The following SLC14A2 variants were observed in gnomAD, a reference collection of about 807,000 sequenced individuals.
SLC14A2 encodes the protein solute carrier family 14 member 2.
Under a neutral mutation model 104.6 loss-of-function variants are expected in SLC14A2, and 91 were observed. The observed-to-expected ratio is 0.87, with a 90% CI of 0.73 to 1.04. The LOEUF is 1.04. Among genes scored for constraint, SLC14A2 ranks in the 50% least tolerant of loss-of-function variants. SLC14A2 has a pLI of 0.00. For missense variants in SLC14A2, 1,189 were observed against 1,156.0 expected, an observed-to-expected ratio of 1.03 and a Z score of -0.41; for synonymous variants, 476 against 466.4, an observed-to-expected ratio of 1.02 and a Z score of -0.27.
intron 1 of SLC14A2, among the ~76,000 whole-genome samples, chr18:45,342,876 A>G (rs979448702): frequency 7.9e-5 from 12 of 152,200 alleles, no homozygotes; most frequent in Non-Finnish European, 1.8e-4. Flanking sequence ...TTCCAGATCT[A>G]CTTCTAGTTA....
the SLC14A2 span, among the ~76,000 whole-genome samples, chr18:45,182,328 C>T: frequency 6.6e-6 from 1 of 151,552 alleles, no homozygotes; most frequent in Non-Finnish European, 1.5e-5. Flanking sequence ...TAACACAATA[C>T]TGTATAAAAT....
At chr18:45,615,997 G>A (rs1400664342) in intron 1 of SLC14A2, among the ~76,000 whole-genome samples, 6 of 152,174 alleles carry the variant, frequency 3.9e-5, no homozygotes, top group Non-Finnish European at 8.8e-5. Flanking sequence ...GTGAGTAAAG[G>A]AGATCAATAT....
At chr18:45,235,884 C>T (rs1442108525) in intron 1 of SLC14A2, among the ~76,000 whole-genome samples, 48 of 86,822 alleles carry the variant, frequency 5.5e-4, no homozygotes, top group Non-Finnish European at 7.4e-4. Context: ...TGTATATATA[C>T]ATATATGTGT....
At chr18:45,359,620 A>G (rs1253229966) in intron 1 of SLC14A2, among the ~76,000 whole-genome samples, 1 of 152,172 alleles carries the variant, frequency 6.6e-6, no homozygotes, top group Non-Finnish European at 1.5e-5. Context: ...AAATTATCTC[A>G]CAGGCATCTC....
intron 1 of SLC14A2, among the ~76,000 whole-genome samples, chr18:45,442,842 A>C (rs1360222630): frequency 6.6e-6 from 1 of 152,204 alleles, no homozygotes; most frequent in African/African-American, 2.4e-5. Context: ...TAACTAAGTC[A>C]GGTAGCTAGA....
chr18:45,254,839 T>C (rs943642102), intron 1 of SLC14A2, among the ~76,000 whole-genome samples: 3 of 152,090 alleles, frequency 2.0e-5, no homozygotes, highest in Admixed American at 6.5e-5. Flanking sequence ...AGGAGGCCAA[T>C]GATGCTGGCA....
chr18:45,510,289 A>C (rs1028199725), intron 2 of SLC14A2, among the ~76,000 whole-genome samples: 3 of 152,186 alleles, frequency 2.0e-5, no homozygotes, highest in Non-Finnish European at 4.4e-5. Flanking sequence ...GAAAAAAATG[A>C]GCCTGTCTGA....
chr18:45,564,186 A>G (rs2044238447), intron 2 of SLC14A2, among the ~76,000 whole-genome samples: 1 of 152,262 alleles, frequency 6.6e-6, no homozygotes, highest in Non-Finnish European at 1.5e-5. Context: ...ACTTTGCATG[A>G]TCGAGTGTAT....
rs184302016 is a variant in SLC14A2 at position 45,642,199 on chromosome 18, C to A, written c.1126+856C>A. On this transcript the variant is annotated intron_variant, in intron 8 of 19. Coordinates refer to ENST00000255226, the MANE Select transcript of SLC14A2 (RefSeq NM_007163.4). ...TAGAGTCAAGGAAACAGAAGACTAG[C>A]GTCTGGAACAGCTTCTCTTTTGTTT... Among the ~76,000 whole-genome samples, 109 of 152,330 alleles carry A rather than the reference C, an allele frequency of 7.2e-4. 1 individual carries two copies. The highest frequency in any genetic ancestry group is 5.4e-4 in the Non-Finnish European group (37 of 68,042).
intron 1 of SLC14A2, among the ~76,000 whole-genome samples, chr18:45,471,699 T>G (rs917560649): frequency 6.6e-6 from 1 of 152,124 alleles, no homozygotes; most frequent in Non-Finnish European, 1.5e-5. Flanking sequence ...GTCTTGTTGC[T>G]GCTGATGGGT....
At chr18:45,488,326 A>T (rs1036330842) in intron 2 of SLC14A2, among the ~76,000 whole-genome samples, 4 of 152,154 alleles carry the variant, frequency 2.6e-5, no homozygotes, top group Non-Finnish European at 2.9e-5. Flanking sequence ...ATCCAAATCC[A>T]GGGTTCTGCC....
intron 2 of SLC14A2, among the ~76,000 whole-genome samples, chr18:45,542,035 G>GTTTTTTTTTTGTTT (rs2043891896): frequency 1.8e-5 from 1 of 54,204 alleles, no homozygotes; most frequent in African/African-American, 6.2e-5. Flanking sequence ...AAGAGAGAGG[G>GTTTTTTTTTTGTTT]TTTTTTTTTT....
At chr18:45,227,749 G>T (rs1431675702) in intron 1 of SLC14A2, among the ~76,000 whole-genome samples, 5 of 152,150 alleles carry the variant, frequency 3.3e-5, no homozygotes, top group Non-Finnish European at 5.9e-5. Flanking sequence ...AAACCAAGTG[G>T]GGCTTAGATT....
intron 2 of SLC14A2, among the ~76,000 whole-genome samples, chr18:45,519,020 A>G (rs2043480459): frequency 6.6e-6 from 1 of 152,234 alleles, no homozygotes; most frequent in South Asian, 2.1e-4. Flanking sequence ...TGGGGAATCA[A>G]TTAACAATAA....
chr18:45,196,619 T>G, the SLC14A2 span, among the ~76,000 whole-genome samples: 1 of 152,198 alleles, frequency 6.6e-6, no homozygotes, highest in South Asian at 2.1e-4. Flanking sequence ...AGCATGATTA[T>G]AGACCATCTG....
chr18:45,430,542 TTATTTTA>T (rs1207997944), intron 1 of SLC14A2, among the ~76,000 whole-genome samples: 1 of 89,462 alleles, frequency 1.1e-5, no homozygotes. Flanking sequence ...GGAAGGGAAG[TTATTTTA>T]TTTTATTTTA....
chr18:45,384,529 C>A (rs1000511508), intron 1 of SLC14A2, among the ~76,000 whole-genome samples: 3 of 152,160 alleles, frequency 2.0e-5, no homozygotes, highest in Non-Finnish European at 2.9e-5. Context: ...TGAGTCACCC[C>A]CAACCTGCCT....
At chr18:45,213,693 T>C (rs1456067856) in intron 1 of SLC14A2, among the ~76,000 whole-genome samples, 2 of 152,030 alleles carry the variant, frequency 1.3e-5, no homozygotes, top group African/African-American at 2.4e-5. Context: ...GGTTAATTAG[T>C]CCACATAACT....
chr18:45,210,563 C>T (rs931195160), upstream of SLC14A2, among the ~76,000 whole-genome samples: 1 of 152,168 alleles, frequency 6.6e-6, no homozygotes, highest in African/African-American at 2.4e-5. Flanking sequence ...TAGGCAAGAG[C>T]GTAATGCTGT....
Sources: allele counts gnomAD v4.1 joint callset (sites outside exome capture counted in the v4.1 genomes callset), GRCh38; gene constraint gnomAD v4.1.1; transcripts MANE v1.5; gene names NCBI Gene and HGNC (gene_info 2026-07-23, HGNC 2026-07-21).